The following RPH3A variants were observed in gnomAD, a reference collection of about 807,000 sequenced individuals.
The protein encoded by RPH3A is rabphilin-3A.
In RPH3A, 48 loss-of-function variants were observed where a neutral mutation model predicts 102.2. The ratio of observed to expected loss-of-function variants is 0.47; its 90% CI spans 0.37 to 0.60. RPH3A has a LOEUF of 0.60. Among genes scored for constraint, RPH3A ranks in the 20% least tolerant of loss-of-function variants. RPH3A has a pLI of 0.00. For missense variants in RPH3A, 781 were observed against 910.1 expected, an observed-to-expected ratio of 0.86 and a Z score of 1.83; for synonymous variants, 310 against 324.3, an observed-to-expected ratio of 0.96 and a Z score of 0.47.
At chr12:112,772,711 AAATT>A (rs150653699) in intron 1 of RPH3A, among the ~76,000 whole-genome samples, 23,787 of 151,724 alleles carry the variant, frequency 0.16, 1,953 homozygotes, top group Admixed American at 0.23. Context: ...GCTTGCACAG[AAATT>A]AATTAATTAA....
chr12:112,824,725 G>A (rs1242013279), intron 2 of RPH3A, among the ~76,000 whole-genome samples: 2 of 152,154 alleles, frequency 1.3e-5, no homozygotes, highest in Non-Finnish European at 2.9e-5. Flanking sequence ...GGTGGCTTCT[G>A]GCCTGGAGGG....
intron 1 of RPH3A, among the ~76,000 whole-genome samples, chr12:112,675,579 AT>A (rs2040168852): frequency 6.6e-6 from 1 of 152,182 alleles, no homozygotes; most frequent in African/African-American, 2.4e-5. Context: ...AGTTGGTTTG[AT>A]TCAAAAGCGC....
chr12:112,737,773 A>T (rs1360063429), intron 1 of RPH3A, among the ~76,000 whole-genome samples: 1 of 152,230 alleles, frequency 6.6e-6, no homozygotes, highest in African/African-American at 2.4e-5. Context: ...GACCGAGTCC[A>T]ATAACTGGAA....
chr12:112,796,380 G>C (rs535623913), intron 2 of RPH3A, among the ~76,000 whole-genome samples: 1 of 152,306 alleles, frequency 6.6e-6, no homozygotes, highest in African/African-American at 2.4e-5. Context: ...GGTGCTACAG[G>C]GTGAGATCCT....
At chr12:112,807,565 G>A (rs78138245) in intron 2 of RPH3A, among the ~76,000 whole-genome samples, 4 of 152,168 alleles carry the variant, frequency 2.6e-5, no homozygotes, top group Admixed American at 6.5e-5. Flanking sequence ...CTTCATGTGG[G>A]AAATGAAGAT....
intron 1 of RPH3A, among the ~76,000 whole-genome samples, chr12:112,612,355 C>A (rs1043884522): frequency 1.3e-5 from 2 of 152,156 alleles, no homozygotes; most frequent in Non-Finnish European, 2.9e-5. Flanking sequence ...TGAGAACACA[C>A]ACCCCTTTAA....
chr12:112,897,363 C>A lies in RPH3A; in HGVS notation c.*583C>A. 1 of 152,706 alleles carries A rather than the reference C, an allele frequency of 6.5e-6. No homozygotes were observed. The allele number at this position is 152,706 out of a possible 1,614,324, so 9.5% of individuals were successfully genotyped here. ...CACACCCTCCCTGCTCCAAGTGCAC[C>A]AGGATGCAAATGCACAGAATTCACC... On this transcript the variant is annotated 3_prime_UTR_variant, in exon 22 of 22. Coordinates refer to ENST00000389385, the MANE Select transcript of RPH3A (RefSeq NM_001143854.2).
At chr12:112,891,328 G>C (rs1457502654) in intron 19 of RPH3A, 1 of 245,336 alleles carries the variant, frequency 4.1e-6, no homozygotes, top group Admixed American at 5.3e-5. Flanking sequence ...ACACCCCTCG[G>C]ACCGCTCAGA....
intron 5 of RPH3A, among the ~76,000 whole-genome samples, chr12:112,863,420 C>T (rs1244749542): frequency 1.3e-5 from 2 of 152,314 alleles, no homozygotes; most frequent in Admixed American, 6.5e-5. Context: ...TGGGTCCAAG[C>T]GGTTCTCCTG....
chr12:112,825,729 A>G (rs1375748405), intron 2 of RPH3A, among the ~76,000 whole-genome samples: 1 of 152,156 alleles, frequency 6.6e-6, no homozygotes, highest in Non-Finnish European at 1.5e-5. Context: ...CAAAACGGAA[A>G]AAGTTCCGCA....
intron 1 of RPH3A, among the ~76,000 whole-genome samples, chr12:112,785,388 AGTG>A (rs2136080402): frequency 1.3e-5 from 2 of 152,298 alleles, no homozygotes; most frequent in African/African-American, 4.8e-5. Context: ...CACTGCTGTA[AGTG>A]GGAATATAAT....
At chr12:112,661,990 A>G (rs1392821990) in intron 1 of RPH3A, among the ~76,000 whole-genome samples, 1 of 152,030 alleles carries the variant, frequency 6.6e-6, no homozygotes, top group East Asian at 1.9e-4. Flanking sequence ...TCTCTATACA[A>G]TGGGGACAAA....
intron 1 of RPH3A, among the ~76,000 whole-genome samples, chr12:112,737,010 C>G (rs1177873721): frequency 6.6e-6 from 1 of 151,856 alleles, no homozygotes; most frequent in Non-Finnish European, 1.5e-5. Flanking sequence ...CAAAAATTAT[C>G]TGGGCATGGT....
At chr12:112,779,186 G>A (rs966445497) in intron 1 of RPH3A, among the ~76,000 whole-genome samples, 2 of 152,182 alleles carry the variant, frequency 1.3e-5, no homozygotes, top group African/African-American at 4.8e-5. Context: ...AGGAGCCACT[G>A]GACCCCCAAG....
intron 1 of RPH3A, among the ~76,000 whole-genome samples, chr12:112,712,909 C>T (rs950276304): frequency 9.1e-5 from 10 of 109,492 alleles, no homozygotes; most frequent in African/African-American, 3.9e-4. Context: ...TCTTCCTCTT[C>T]TTCTTCTTCT....
intron 4 of RPH3A, among the ~76,000 whole-genome samples, chr12:112,841,742 A>G (rs1442715163): frequency 7.0e-6 from 1 of 143,068 alleles, no homozygotes; most frequent in East Asian, 2.0e-4. Context: ...CTAATATCTC[A>G]GTAGATTCTG....
intron 1 of RPH3A, among the ~76,000 whole-genome samples, chr12:112,723,058 A>G (rs1036764044): frequency 3.9e-5 from 6 of 152,106 alleles, no homozygotes; most frequent in Non-Finnish European, 8.8e-5. Flanking sequence ...TAACTTTACA[A>G]TTTGCCGAAA....
intron 2 of RPH3A, among the ~76,000 whole-genome samples, chr12:112,812,849 C>T (rs958258735): frequency 6.6e-6 from 1 of 152,004 alleles, no homozygotes. Context: ...CTTTGCAAAC[C>T]TTCTTTGAGC....
intron 2 of RPH3A, among the ~76,000 whole-genome samples, chr12:112,802,264 T>C (rs530195559): frequency 6.6e-6 from 1 of 152,290 alleles, no homozygotes; most frequent in Non-Finnish European, 1.5e-5. Flanking sequence ...GAGCAGCTGG[T>C]TCTGGAGCTG....
Sources: gnomAD v4.1 joint callset for allele counts (sites outside exome capture counted in the v4.1 genomes callset) on GRCh38, gnomAD v4.1.1 for gene constraint, MANE v1.5 for transcripts, NCBI Gene and HGNC (gene_info 2026-07-23, HGNC 2026-07-21) for gene names.